Variants in MCC observed in about 807,000 individuals in gnomAD.
MCC encodes colorectal mutant cancer protein.
Under a neutral mutation model 116.2 loss-of-function variants are expected in MCC, and 90 were observed. The ratio of observed to expected loss-of-function variants is 0.77; its 90% CI spans 0.65 to 0.92. The LOEUF is 0.92. Among genes scored for constraint, MCC ranks in the 40% least tolerant of loss-of-function variants. MCC has a pLI of 0.00. For missense variants in MCC, 1,516 were observed against 1,312.2 expected (o/e 1.16, Z -2.40); for synonymous variants, 578 against 510.5 (o/e 1.13, Z -1.78).
intron 6 of MCC, 31 bp from the exon 7 acceptor site, chr5:113,104,386 A>G (rs1470780647): frequency 1.3e-6 from 2 of 1,570,660 alleles, no homozygotes; most frequent in Non-Finnish European, 1.7e-6. Flanking sequence ...AATGCGTTAC[A>G]CAGGGCAACA....
chr5:113,178,076 C>A (rs78037054), intron 3 of MCC, among the ~76,000 whole-genome samples: 1,719 of 152,290 alleles, frequency 0.011, 18 homozygotes, highest in Non-Finnish European at 0.018. Flanking sequence ...CAAAACAGGG[C>A]TTGCAAATCA....
rs148037663 is a variant in MCC, at chr5:113,202,944, A to T, written c.628-51522T>A. The stretch of plus-strand genomic sequence containing the variant: ...AAGTTTAGATGTGACTTTAAATTGC[A>T]CCCAATCCGGCAAAATAATATTTCA... On this transcript the variant is annotated intron_variant, in intron 3 of 18. Transcript: ENST00000408903. 2.0e-3 allele frequency among the ~76,000 whole-genome samples: 305 copies of T among 152,266 alleles called. 1 individual carries two copies. The highest frequency in any genetic ancestry group is 7.0e-3 in the African/African-American group (289 of 41,552).
chr5:113,254,876 G>A (rs760227721), intron 3 of MCC, among the ~76,000 whole-genome samples: 3 of 152,114 alleles, frequency 2.0e-5, no homozygotes, highest in Non-Finnish European at 4.4e-5. Flanking sequence ...CTGCCTCTAA[G>A]ATGTACCTTA....
At chr5:113,430,371 C>T (rs981556054) in intron 1 of MCC, among the ~76,000 whole-genome samples, 1 of 152,100 alleles carries the variant, frequency 6.6e-6, no homozygotes, top group African/African-American at 2.4e-5. Context: ...GTTGGCCTCC[C>T]TTAGTTATTT....
chr5:113,210,460 A>C (rs144883265), intron 3 of MCC, among the ~76,000 whole-genome samples: 139 of 152,328 alleles, frequency 9.1e-4, no homozygotes, highest in African/African-American at 3.3e-3. Context: ...AACCATAATC[A>C]ATATGGGACA....
At chr5:113,287,408 A>T (rs1028428167) in intron 3 of MCC, among the ~76,000 whole-genome samples, 1 of 152,144 alleles carries the variant, frequency 6.6e-6, no homozygotes, top group African/African-American at 2.4e-5. Flanking sequence ...GGCTCACTGC[A>T]ACCTCCACCT....
At chr5:113,099,931 T>C (rs1756290347) in intron 8 of MCC, among the ~76,000 whole-genome samples, 1 of 152,188 alleles carries the variant, frequency 6.6e-6, no homozygotes, top group African/African-American at 2.4e-5. Flanking sequence ...AGTACATACC[T>C]AATTAGGACA....
At chr5:113,237,200 A>G (rs1764166242) in intron 3 of MCC, among the ~76,000 whole-genome samples, 1 of 152,234 alleles carries the variant, frequency 6.6e-6, no homozygotes, top group South Asian at 2.1e-4. Context: ...TATGGTTTAT[A>G]TGTAAGTTAA....
chr5:113,227,966 T>C (rs1193812190), intron 3 of MCC, among the ~76,000 whole-genome samples: 2 of 152,228 alleles, frequency 1.3e-5, no homozygotes, highest in African/African-American at 4.8e-5. Flanking sequence ...TGGTCTAATT[T>C]AGTCAAACCC....
intron 3 of MCC, among the ~76,000 whole-genome samples, chr5:113,266,960 A>C (rs1765445096): frequency 6.6e-6 from 1 of 152,222 alleles, no homozygotes; most frequent in African/African-American, 2.4e-5. Flanking sequence ...ATAAGAGCCT[A>C]AGTTACTGAC....
intron 16 of MCC, among the ~76,000 whole-genome samples, chr5:113,048,385 C>G (rs554113918): frequency 1.3e-5 from 2 of 152,284 alleles, no homozygotes; most frequent in South Asian, 4.1e-4. Context: ...ACCTGAGTTG[C>G]GAATCATTCC....
intron 17 of MCC, among the ~76,000 whole-genome samples, chr5:113,039,501 T>C (rs750011515): frequency 6.6e-6 from 1 of 152,220 alleles, no homozygotes; most frequent in South Asian, 2.1e-4. Flanking sequence ...ACTGGAGGCA[T>C]AGAGGTTTCT....
chr5:113,332,456 T>C (rs2150375262), intron 3 of MCC, among the ~76,000 whole-genome samples: 1 of 150,012 alleles, frequency 6.7e-6, no homozygotes, highest in Non-Finnish European at 1.5e-5. Flanking sequence ...ACGCCTATAA[T>C]CCCAGCACTT....
At chr5:113,209,996 G>A (rs1763059788) in intron 3 of MCC, among the ~76,000 whole-genome samples, 1 of 152,172 alleles carries the variant, frequency 6.6e-6, no homozygotes, top group Non-Finnish European at 1.5e-5. Context: ...AGATTGGTAT[G>A]ATATGGTCTC....
chr5:113,132,015 A>G (rs1234341878), intron 5 of MCC, among the ~76,000 whole-genome samples: 2 of 152,182 alleles, frequency 1.3e-5, no homozygotes, highest in Admixed American at 6.5e-5. Flanking sequence ...CCTTGATTCA[A>G]TTTAAATAGG....
intron 3 of MCC, among the ~76,000 whole-genome samples, chr5:113,257,097 G>A (rs1290693406): frequency 2.0e-5 from 3 of 152,136 alleles, no homozygotes; most frequent in South Asian, 4.1e-4. Flanking sequence ...TAACTTATCA[G>A]TGAAGATTAG....
At chr5:113,069,368 A>G (rs909691870) in intron 12 of MCC, among the ~76,000 whole-genome samples, 2 of 152,272 alleles carry the variant, frequency 1.3e-5, no homozygotes, top group Non-Finnish European at 2.9e-5. Flanking sequence ...ATCAAACAAC[A>G]GTCCCTTTCC....
chr5:113,440,006 T>C (rs1390168095), intron 1 of MCC, among the ~76,000 whole-genome samples: 1 of 152,088 alleles, frequency 6.6e-6, no homozygotes, highest in Non-Finnish European at 1.5e-5. Flanking sequence ...TAAGGGATCC[T>C]CCCACCTCAG....
chr5:113,023,183 C>T lies in MCC; in HGVS notation c.*4119G>A, dbSNP rs1379739595. 2 of 152,186 alleles carry T rather than the reference C, an allele frequency of 1.3e-5. No homozygotes were observed. The highest frequency in any genetic ancestry group is 6.5e-5 in the Admixed American group (1 of 15,280). The allele number at this position is 152,186 out of a possible 1,614,324, so 9.4% of individuals were successfully genotyped here. On this transcript the variant is annotated 3_prime_UTR_variant, in exon 19 of 19. Transcript: ENST00000408903. ...CAGGTGTGTTAAACAGGAGATGCTT[C>T]TGAAGGCCACAAGTTTGGAGCTTAC...
Sources: gnomAD v4.1 joint callset for allele counts (sites outside exome capture counted in the v4.1 genomes callset) on GRCh38, gnomAD v4.1.1 for gene constraint, MANE v1.5 for transcripts, NCBI Gene and HGNC (gene_info 2026-07-23, HGNC 2026-07-21) for gene names.